Variants in CALN1 observed in about 807,000 individuals in gnomAD.
CALN1 encodes calneuron 1.
CALN1 carries 17 observed loss-of-function variants against 30.6 expected under a neutral mutation model. The ratio of observed to expected loss-of-function variants is 0.56; its 90% CI spans 0.38 to 0.83. CALN1 has a LOEUF of 0.83. Ranked by LOEUF, CALN1 falls within the 40% of genes least tolerant of loss-of-function variation. CALN1 has a pLI of 0.00. For synonymous variants in CALN1, 156 were observed against 131.4 expected (o/e 1.19, Z -1.28); for missense variants, 291 against 354.9 (o/e 0.82, Z 1.45).
chr7:71,855,633 TGTGGTCCCTC>T (rs1038700207), intron 5 of CALN1, among the ~76,000 whole-genome samples: 1 of 152,138 alleles, frequency 6.6e-6, no homozygotes, highest in Non-Finnish European at 1.5e-5. Flanking sequence ...CCCAGGGTGT[TGTGGTCCCTC>T]GTGGGCACTC....
At chr7:72,303,996 A>C (rs1799473496) in intron 2 of CALN1, among the ~76,000 whole-genome samples, 1 of 152,246 alleles carries the variant, frequency 6.6e-6, no homozygotes, top group Non-Finnish European at 1.5e-5. Context: ...TTGAAATAGG[A>C]GAATCATGGA....
intron 3 of CALN1, among the ~76,000 whole-genome samples, chr7:72,136,146 A>AATAAATAAATAAATAC (rs1809496600): frequency 6.6e-6 from 1 of 151,088 alleles, no homozygotes; most frequent in Admixed American, 6.6e-5. Context: ...AAAATAAATA[A>AATAAATAAATAAATAC]ATAAATAAAT....
intron 4 of CALN1, among the ~76,000 whole-genome samples, chr7:72,060,983 C>T (rs1327938990): frequency 6.6e-6 from 1 of 152,202 alleles, no homozygotes; most frequent in African/African-American, 2.4e-5. Context: ...ACAACTAACT[C>T]AATGGGACAA....
the CALN1 span, among the ~76,000 whole-genome samples, chr7:72,464,771 TG>T: frequency 1.3e-5 from 2 of 152,218 alleles, no homozygotes; most frequent in East Asian, 3.8e-4. Flanking sequence ...AGTTGGCTAA[TG>T]GGTCTCACTT....
intron 4 of CALN1, among the ~76,000 whole-genome samples, chr7:72,069,520 T>C (rs904555228): frequency 2.6e-5 from 4 of 152,080 alleles, no homozygotes; most frequent in Non-Finnish European, 5.9e-5. Flanking sequence ...CCAGTATCCT[T>C]TGGTTTCTGG....
intron 5 of CALN1, among the ~76,000 whole-genome samples, chr7:71,984,131 C>T (rs1798543421): frequency 1.3e-5 from 2 of 152,010 alleles, no homozygotes; most frequent in African/African-American, 2.4e-5. Context: ...TTCTAGCTAG[C>T]GAGGTTAATT....
chr7:72,043,350 G>C (rs1383341863), intron 4 of CALN1, among the ~76,000 whole-genome samples: 1 of 152,150 alleles, frequency 6.6e-6, no homozygotes, highest in Non-Finnish European at 1.5e-5. Flanking sequence ...CCATTTCCCA[G>C]GGGAGCAGAA....
intron 5 of CALN1, among the ~76,000 whole-genome samples, chr7:71,965,413 A>C (rs966522228): frequency 6.6e-6 from 1 of 152,208 alleles, no homozygotes. Flanking sequence ...TGTGAGTCCT[A>C]GAAAGAAGGT....
At chr7:72,408,713 G>A (rs1440756626) in intron 1 of CALN1, among the ~76,000 whole-genome samples, 2 of 106,226 alleles carry the variant, frequency 1.9e-5, no homozygotes, top group African/African-American at 7.6e-5. Flanking sequence ...GTTGCACTCT[G>A]TCACCCAGGT....
chr7:72,055,827 C>T (rs1803220371), intron 4 of CALN1, among the ~76,000 whole-genome samples: 1 of 151,882 alleles, frequency 6.6e-6, no homozygotes, highest in African/African-American at 2.4e-5. Flanking sequence ...GCCTAGGCAA[C>T]ATAGCAAGAC....
At position 71,908,598 on chromosome 7, in the gene CALN1, C is replaced by CA. The variant is rs201383970; in HGVS notation, c.502-98107dup. Among the ~76,000 whole-genome samples the CA allele has an allele frequency of 7.4e-3, 1,121 of 151,734 alleles. 14 individuals are homozygous for CA. Among genetic ancestry groups the CA allele is most frequent in the African/African-American group, 0.025 (1,049 of 41,368 alleles). On this transcript the variant is annotated intron_variant, in intron 5 of 6. Transcript: ENST00000395275. Reference sequence around the variant, plus strand: ...ATCTTAAAAGGACACGGAAATGCACCAAAAAAAATAAACACAACGATGCAT... The same window carrying CA: ...ATCTTAAAAGGACACGGAAATGCACCAAAAAAAAATAAACACAACGATGCAT...
intron 5 of CALN1, among the ~76,000 whole-genome samples, chr7:71,877,796 T>G (rs1792335929): frequency 6.6e-6 from 1 of 152,184 alleles, no homozygotes; most frequent in Admixed American, 6.6e-5. Flanking sequence ...TTATGTTCAT[T>G]TGAAAGAACA....
At chr7:71,821,790 T>A (rs1788608327) in intron 5 of CALN1, among the ~76,000 whole-genome samples, 1 of 103,224 alleles carries the variant, frequency 9.7e-6, no homozygotes, top group African/African-American at 4.6e-5. Context: ...GTTTCTTTCT[T>A]TTTTTTTTTT....
At chr7:72,062,302 G>C (rs1803707576) in intron 4 of CALN1, among the ~76,000 whole-genome samples, 1 of 152,124 alleles carries the variant, frequency 6.6e-6, no homozygotes, top group South Asian at 2.1e-4. Context: ...CTTGAGGTTA[G>C]GAGTTTGAGA....
chr7:72,300,622 A>T (rs1310854986), intron 2 of CALN1, among the ~76,000 whole-genome samples: 1 of 152,198 alleles, frequency 6.6e-6, no homozygotes, highest in Non-Finnish European at 1.5e-5. Context: ...TTCTATTACA[A>T]TCATGATATA....
chr7:72,345,569 G>A (rs954084488), intron 2 of CALN1, among the ~76,000 whole-genome samples: 1 of 138,528 alleles, frequency 7.2e-6, no homozygotes, highest in African/African-American at 2.6e-5. Flanking sequence ...GGGAGGGAGG[G>A]AGGGAAGGGA....
intron 3 of CALN1, among the ~76,000 whole-genome samples, chr7:72,252,272 A>G (rs962447618): frequency 9.9e-5 from 15 of 151,918 alleles, no homozygotes; most frequent in African/African-American, 3.4e-4. Context: ...CCGCACCCCA[A>G]TCAGCAAATC....
rs369065730 is a variant in CALN1, at chr7:71,787,664, C to T, written c.*111G>A. On this transcript the variant is annotated 3_prime_UTR_variant, in exon 7 of 7. Transcript: ENST00000395275. ...TTCTTTACTGAACGGTTCCATCGTC[C>T]GCATCCATCCATAGTCCATAGGTCC... is the stretch of plus-strand genomic sequence containing the variant. The T allele has an allele frequency of 6.1e-5, 89 of 1,456,824 alleles. No homozygotes were observed. In the Middle Eastern group the frequency reaches 7.5e-4, roughly 12 times the overall value. The allele number at this position is 1,456,824 out of a possible 1,614,324, so 90.2% of individuals were successfully genotyped here.
intron 3 of CALN1, among the ~76,000 whole-genome samples, chr7:72,145,678 T>C (rs1469892837): frequency 1.3e-5 from 2 of 152,128 alleles, no homozygotes; most frequent in African/African-American, 2.4e-5. Flanking sequence ...AAAAAGAGAA[T>C]TTTAGACCAA....
Sources: gnomAD v4.1 joint callset for allele counts (sites outside exome capture counted in the v4.1 genomes callset) on GRCh38, gnomAD v4.1.1 for gene constraint, MANE v1.5 for transcripts, NCBI Gene and HGNC (gene_info 2026-07-23, HGNC 2026-07-21) for gene names.